The following TMEM120B variants were observed in gnomAD, a reference collection of about 807,000 sequenced individuals.
TMEM120B encodes transmembrane protein 120B.
In TMEM120B, 31 loss-of-function variants were observed where a neutral mutation model predicts 55.5. The observed-to-expected ratio is 0.56, with a 90% CI of 0.42 to 0.75. TMEM120B has a LOEUF of 0.75. Among genes scored for constraint, TMEM120B ranks in the 30% least tolerant of loss-of-function variants. TMEM120B has a pLI of 0.00. For synonymous variants in TMEM120B, 203 were observed against 176.3 expected, an observed-to-expected ratio of 1.15 and a Z score of -1.20; for missense variants, 399 against 425.5, an observed-to-expected ratio of 0.94 and a Z score of 0.55.
chr12:121,722,700 A>T (rs1415279646), intron 1 of TMEM120B, among the ~76,000 whole-genome samples: 1 of 152,168 alleles, frequency 6.6e-6, no homozygotes, highest in East Asian at 1.9e-4. Context: ...TCCAAGTATA[A>T]AGACTTGCAA....
At position 121,775,792 on chromosome 12, in the gene TMEM120B, C is replaced by T. The variant is rs1023162934; in HGVS notation, c.*70C>T. 1.3e-6 allele frequency: 2 copies of T among 1,528,712 alleles called. No homozygotes were observed. The highest frequency in any genetic ancestry group is 1.8e-6 in the Non-Finnish European group (2 of 1,113,802). 94.7% of individuals were successfully genotyped at this position (1,528,712 alleles called of 1,614,324 possible). ...GGCTCCCGGGCTCCTTCCCAGCAGC[C>T]CTCTCAGGCCCGTGGCATCGCTGGG... On this transcript the variant is annotated 3_prime_UTR_variant, in exon 12 of 12. Coordinates refer to ENST00000449592, the MANE Select transcript of TMEM120B (RefSeq NM_001080825.2). The surrounding 1 kb of genome is among the most constrained non-coding windows in gnomAD (Gnocchi z 4.3).
intron 1 of TMEM120B, among the ~76,000 whole-genome samples, chr12:121,723,196 C>T (rs1306837703): frequency 6.6e-6 from 1 of 152,014 alleles, no homozygotes; most frequent in Non-Finnish European, 1.5e-5. Flanking sequence ...AGAGGGGGGT[C>T]TAACTCCATC....
At chr12:121,764,453 T>A (rs939871067) in intron 6 of TMEM120B, among the ~76,000 whole-genome samples, 1 of 151,688 alleles carries the variant, frequency 6.6e-6, no homozygotes, top group Non-Finnish European at 1.5e-5. Context: ...CCCGGGAGGC[T>A]GAGGTTGTGG....
Position 121,712,866 on chromosome 12 carries a change from G to T in TMEM120B, c.-30G>T. 2 of 1,452,150 alleles carry T rather than the reference G, an allele frequency of 1.4e-6. No homozygotes were observed. Among genetic ancestry groups the T allele is most frequent in the Non-Finnish European group, 1.8e-6 (2 of 1,101,746 alleles). 90.0% of individuals were successfully genotyped at this position (1,452,150 alleles called of 1,614,324 possible). ...GTCGGGCAGCGCTGCGGGAGCAGCC[G>T]CCGGCACCGCCGCCTTGCACCATCG... On this transcript the variant is annotated 5_prime_UTR_variant, in exon 1 of 12. Coordinates refer to ENST00000449592, the MANE Select transcript of TMEM120B (RefSeq NM_001080825.2).
At chr12:121,749,691 AGGTT>A (rs1873212968) in intron 3 of TMEM120B, among the ~76,000 whole-genome samples, 1 of 152,172 alleles carries the variant, frequency 6.6e-6, no homozygotes, top group African/African-American at 2.4e-5. Context: ...GGATCACTTA[AGGTT>A]AGGAGTTCAA....
Position 121,771,397 on chromosome 12 carries a change from C to T in TMEM120B, c.618-91C>T, listed in dbSNP as rs149998571. ...CTCAGTTTGACTTTATACACCTTTTCGCCTCTTCTGGTTGGAATGGAGTTG... is the reference window on the plus strand; with the variant it reads ...CTCAGTTTGACTTTATACACCTTTTTGCCTCTTCTGGTTGGAATGGAGTTG... On this transcript the variant is annotated intron_variant, in intron 7 of 11. Coordinates refer to ENST00000449592, the MANE Select transcript of TMEM120B (RefSeq NM_001080825.2). The T allele has an allele frequency of 7.3e-4, 837 of 1,141,706 alleles. 10 individuals are homozygous for T. The East Asian group carries it at 0.015, about 20-fold the overall frequency. The allele number at this position is 1,141,706 out of a possible 1,614,324, so 70.7% of individuals were successfully genotyped here.
chr12:121,765,129 CTT>C lies in TMEM120B; in HGVS notation c.551+3408_551+3409del, dbSNP rs775861260. Among the ~76,000 whole-genome samples the C allele has an allele frequency of 1.4e-3, 182 of 133,624 alleles. 1 individual carries two copies. The highest frequency in any genetic ancestry group is 4.5e-3 in the African/African-American group (159 of 35,650). 87.7% of individuals were successfully genotyped at this position (133,624 alleles called of 152,430 possible). A position where few individuals can be genotyped will look rare whatever the true frequency, so the allele number is the denominator to read the frequency against. On this transcript the variant is annotated intron_variant, in intron 6 of 11. Coordinates refer to ENST00000449592, the MANE Select transcript of TMEM120B (RefSeq NM_001080825.2). ...TTTTTTTCTTTTCTTTCTTTTCTTT[CTT>C]TTTTTTTTTTTTTTTTGAGACAGAG...
intron 1 of TMEM120B, among the ~76,000 whole-genome samples, chr12:121,735,775 C>T (rs1325053628): frequency 1.3e-5 from 2 of 151,932 alleles, no homozygotes; most frequent in Non-Finnish European, 2.9e-5. Flanking sequence ...ACTGCAACCT[C>T]CGCCTCCTGG....
chr12:121,720,649 C>T (rs1894775134), intron 1 of TMEM120B, among the ~76,000 whole-genome samples: 1 of 151,888 alleles, frequency 6.6e-6, no homozygotes, highest in Non-Finnish European at 1.5e-5. Flanking sequence ...GAGGTGAAGG[C>T]TGTGGTGAGC....
chr12:121,714,296 G>A (rs930562140), intron 1 of TMEM120B, among the ~76,000 whole-genome samples: 12 of 151,990 alleles, frequency 7.9e-5, no homozygotes, highest in East Asian at 1.9e-4. Flanking sequence ...TCTCACTGTC[G>A]CCCAGGCTGG....
intron 1 of TMEM120B, among the ~76,000 whole-genome samples, chr12:121,725,070 T>G (rs1277918217): frequency 6.6e-6 from 1 of 152,228 alleles, no homozygotes; most frequent in Non-Finnish European, 1.5e-5. Flanking sequence ...ATTTGATTCC[T>G]TACTGCCAAT....
Position 121,776,930 on chromosome 12 carries a change from A to G in TMEM120B, c.*1208A>G, listed in dbSNP as rs73413711. 0.17 allele frequency: 26,050 copies of G among 149,780 alleles called. 3,433 individuals carry two copies. Among genetic ancestry groups the G allele is most frequent in the African/African-American group, 0.36 (14,605 of 40,520 alleles). 9.3% of individuals were successfully genotyped at this position (149,780 alleles called of 1,614,324 possible). On this transcript the variant is annotated 3_prime_UTR_variant, in exon 12 of 12. Transcript: ENST00000449592. Reference sequence around the variant, plus strand: ...AGCCTCTGGAGTAGCTGGGACCACAATCACACACCACCATGCCCTGCTCCT... The same window carrying G: ...AGCCTCTGGAGTAGCTGGGACCACAGTCACACACCACCATGCCCTGCTCCT...
chr12:121,732,978 CAAA>C (rs773677592), intron 1 of TMEM120B, among the ~76,000 whole-genome samples: 3 of 88,580 alleles, frequency 3.4e-5, no homozygotes, highest in Admixed American at 2.5e-4. Context: ...GACTCTGTCT[CAAA>C]AAAAAAAAAA....
rs1039072148 is a variant in TMEM120B, at chr12:121,780,662, C to A, written c.*4940C>A. 8.1e-6 allele frequency: 5 copies of A among 613,838 alleles called. No individual in the cohort carries two copies. Among genetic ancestry groups the A allele is most frequent in the Non-Finnish European group, 1.4e-5 (5 of 358,256 alleles). 38.0% of individuals were successfully genotyped at this position (613,838 alleles called of 1,614,324 possible). A position where few individuals can be genotyped will look rare whatever the true frequency, so the allele number is the denominator to read the frequency against. On this transcript the variant is annotated 3_prime_UTR_variant, in exon 12 of 12. Transcript: ENST00000449592. The stretch of plus-strand genomic sequence containing the variant: ...CCCCCTGTAAACTGGGGGATGTGAA[C>A]AGCGCCTGCCTCCGAGTCCTAAGGA...
chr12:121,759,002 A>G (rs1320369780), intron 5 of TMEM120B: 1 of 985,484 alleles, frequency 1.0e-6, no homozygotes, highest in East Asian at 1.1e-4. Flanking sequence ...TGTTACAGAC[A>G]ATATGGCCCA....
At chr12:121,748,956 C>T (rs572786429) in intron 3 of TMEM120B, among the ~76,000 whole-genome samples, 11 of 152,326 alleles carry the variant, frequency 7.2e-5, no homozygotes, top group East Asian at 1.9e-4. Context: ...GAGAAGTCCC[C>T]GTTCCCTCCC....
rs773352665 is a variant in TMEM120B, at chr12:121,775,729, G to A, written c.*7G>A. The A allele has an allele frequency of 3.1e-6, 5 of 1,613,712 alleles. No individual in the cohort carries two copies. The highest frequency in any genetic ancestry group is 4.2e-6 in the Non-Finnish European group (5 of 1,179,980). On this transcript the variant is annotated 3_prime_UTR_variant, in exon 12 of 12. Transcript: ENST00000449592. This position sits in a 1 kb window ranked among gnomAD's most constrained non-coding sequence, Gnocchi z 4.3. Reference sequence around the variant, plus strand: ...CAAGACAAAGCAGCCGTGAGCCTCGGGCTCCTGTGCCCTCGGCCCGGACTT... The same window carrying A: ...CAAGACAAAGCAGCCGTGAGCCTCGAGCTCCTGTGCCCTCGGCCCGGACTT...
At chr12:121,771,605 C>T in intron 8 of TMEM120B, 56 bp downstream of exon 8, 21 of 1,536,062 alleles carry the variant, frequency 1.4e-5, no homozygotes, top group Non-Finnish European at 1.9e-5. Context: ...GAGACTTTCA[C>T]CAAGGGAGGG....
chr12:121,719,996 G>A (rs551665896), intron 1 of TMEM120B, among the ~76,000 whole-genome samples: 2 of 152,162 alleles, frequency 1.3e-5, no homozygotes, highest in African/African-American at 4.8e-5. Flanking sequence ...CACCTTGCCC[G>A]GCCCACACTA....
Sources: allele counts gnomAD v4.1 joint callset (sites outside exome capture counted in the v4.1 genomes callset), GRCh38; gene constraint gnomAD v4.1.1; non-coding constraint Gnocchi (gnomAD v3.1); transcripts MANE v1.5; gene names NCBI Gene and HGNC (gene_info 2026-07-23, HGNC 2026-07-21).